Variants in GPATCH8 observed in about 807,000 individuals in gnomAD.
GPATCH8 encodes the protein G patch domain-containing protein 8.
Under a neutral mutation model 118.3 loss-of-function variants are expected in GPATCH8, and 18 were observed. The observed-to-expected ratio is 0.15, with a 90% CI of 0.11 to 0.23. The LOEUF (loss-of-function observed/expected upper bound fraction) is 0.23, where lower values mean the gene tolerates loss of function less well. Ranked by LOEUF, GPATCH8 falls within the 10% of genes least tolerant of loss-of-function variation. GPATCH8 has a pLI of 1.00. For missense variants in GPATCH8, 1,631 were observed against 1,873.8 expected, an observed-to-expected ratio of 0.87 and a Z score of 2.39; for synonymous variants, 659 against 684.7, an observed-to-expected ratio of 0.96 and a Z score of 0.59.
chr17:44,456,917 G>A (rs925633168), intron 3 of GPATCH8, among the ~76,000 whole-genome samples: 2 of 151,906 alleles, frequency 1.3e-5, no homozygotes, highest in Non-Finnish European at 2.9e-5. Flanking sequence ...AGGATGGAGT[G>A]CAGTGGCGCA....
chr17:44,414,005 T>G (rs5028549), intron 6 of GPATCH8, among the ~76,000 whole-genome samples: 136,121 of 150,266 alleles, frequency 0.91, 61,858 homozygotes, highest in African/African-American at 0.97. Flanking sequence ...TCAGCAAAAC[T>G]CCTTAAAAGT....
chr17:44,502,641 C>A (rs1360832424), intron 1 of GPATCH8, among the ~76,000 whole-genome samples: 1 of 152,178 alleles, frequency 6.6e-6, no homozygotes, highest in Non-Finnish European at 1.5e-5. Flanking sequence ...TATCATCACG[C>A]TTCTCACAAA....
intron 3 of GPATCH8, among the ~76,000 whole-genome samples, chr17:44,445,472 G>C (rs2050841936): frequency 6.6e-6 from 1 of 151,702 alleles, no homozygotes; most frequent in African/African-American, 2.4e-5. Context: ...AATTACCAGT[G>C]AGCTCCAATC....
chr17:44,463,539 C>T (rs1316322147), intron 3 of GPATCH8, among the ~76,000 whole-genome samples: 1 of 152,168 alleles, frequency 6.6e-6, no homozygotes, highest in African/African-American at 2.4e-5. Context: ...TGTGCCACCA[C>T]GCCTGGCTAA....
At chr17:44,417,029 G>A (rs981780408) in intron 6 of GPATCH8, among the ~76,000 whole-genome samples, 5 of 152,132 alleles carry the variant, frequency 3.3e-5, no homozygotes, top group South Asian at 2.1e-4. Context: ...TACAGTTAAA[G>A]GAATTTTTTT....
chr17:44,459,685 AAAC>A (rs1370550095), intron 3 of GPATCH8, among the ~76,000 whole-genome samples: 1 of 152,150 alleles, frequency 6.6e-6, no homozygotes, highest in Non-Finnish European at 1.5e-5. Context: ...CAAAAGTAGA[AAAC>A]ATCATCCTTG....
chr17:44,457,358 T>C (rs1372866866), intron 3 of GPATCH8, among the ~76,000 whole-genome samples: 2 of 152,182 alleles, frequency 1.3e-5, no homozygotes, highest in African/African-American at 2.4e-5. Context: ...AGAATGTTCA[T>C]CTCTCTCAAC....
intron 1 of GPATCH8, among the ~76,000 whole-genome samples, chr17:44,495,619 C>G (rs1186308012): frequency 1.3e-5 from 2 of 152,198 alleles, no homozygotes; most frequent in Non-Finnish European, 2.9e-5. Context: ...TATTCAAACA[C>G]TGTTTTATTT....
chr17:44,422,794 A>C (rs539082878), intron 6 of GPATCH8, among the ~76,000 whole-genome samples: 1 of 152,012 alleles, frequency 6.6e-6, no homozygotes, highest in African/African-American at 2.4e-5. Context: ...ACATTTTTAA[A>C]TTATAAATAC....
Position 44,399,945 on chromosome 17 carries a change from C to A in GPATCH8, c.2132G>T (p.Arg711Leu), listed in dbSNP as rs749352671. Residue 711 changes from arginine (R) to leucine (L), a missense_variant, in exon 8 of 8, where the codon CGC becomes CTC. Physicochemically the swap from Arg to Leu is moderately radical, Grantham distance 102. This residue lies in a region of GPATCH8 where 922 missense variants were observed against 879.7 expected (regional missense o/e 1.05). Coordinates refer to ENST00000591680, the MANE Select transcript of GPATCH8 (RefSeq NM_001002909.4). ...ATTCTTCTTTCGTTTTCGTTTCTTG[C>A]GCTTCTTAGATTTCTCCCCTGACTC... ...KAESGEKSKK[R>L]KKRKRKKNKS... 8 of 1,614,044 alleles carry A rather than the reference C, an allele frequency of 5.0e-6. No individual in the cohort carries two copies. The highest frequency in any genetic ancestry group is 3.3e-5 in the Admixed American group (2 of 60,012).
chr17:44,445,676 T>C (rs2050853344), intron 3 of GPATCH8: 1 of 152,170 alleles, frequency 6.6e-6, no homozygotes, highest in Non-Finnish European at 1.5e-5. Context: ...GGCTAATTTT[T>C]TGTATTTTTA....
At chr17:44,461,105 T>C (rs1044463459) in intron 3 of GPATCH8, among the ~76,000 whole-genome samples, 1 of 152,246 alleles carries the variant, frequency 6.6e-6, no homozygotes, top group Non-Finnish European at 1.5e-5. Context: ...ATACTTCACA[T>C]ACACAACTGT....
chr17:44,441,240 T>C (rs988955185), intron 3 of GPATCH8, among the ~76,000 whole-genome samples: 3 of 152,202 alleles, frequency 2.0e-5, no homozygotes, highest in South Asian at 2.1e-4. Flanking sequence ...TAATCAGCCA[T>C]ACTTTAGAAA....
chr17:44,429,193 G>T (rs1567975485), intron 5 of GPATCH8, among the ~76,000 whole-genome samples: 1 of 152,036 alleles, frequency 6.6e-6, no homozygotes, highest in Non-Finnish European at 1.5e-5. Context: ...AGAAGAAACT[G>T]TAATAAAGTC....
intron 3 of GPATCH8, among the ~76,000 whole-genome samples, chr17:44,458,604 T>A (rs2051428593): frequency 6.6e-6 from 1 of 152,122 alleles, no homozygotes; most frequent in South Asian, 2.1e-4. Flanking sequence ...TCACTGCAAC[T>A]TCGAACTCCT....
chr17:44,479,965 CAA>C lies in GPATCH8; in HGVS notation c.46-5064_46-5063del, dbSNP rs200988896. Among the ~76,000 whole-genome samples, 478 of 135,106 alleles carry C rather than the reference CAA, an allele frequency of 3.5e-3. 1 individual carries two copies. The highest frequency in any genetic ancestry group is 3.2e-3 in the African/African-American group (111 of 34,232). 88.6% of individuals were successfully genotyped at this position (135,106 alleles called of 152,430 possible). On this transcript the variant is annotated intron_variant, in intron 1 of 7. Transcript: ENST00000591680. ...TTGGCGACAGAGCAAGACTCCGTCT[CAA>C]AAAAAAAAAAAAATTGATAGGCTGG...
chr17:44,422,903 T>C (rs2049962780), intron 6 of GPATCH8, among the ~76,000 whole-genome samples: 2 of 152,146 alleles, frequency 1.3e-5, no homozygotes, highest in Admixed American at 1.3e-4. Context: ...TAACTGCCAA[T>C]ACAGCTTGTC....
chr17:44,462,515 C>T (rs904503402), intron 3 of GPATCH8, among the ~76,000 whole-genome samples: 1 of 152,142 alleles, frequency 6.6e-6, no homozygotes, highest in Non-Finnish European at 1.5e-5. Flanking sequence ...GTAAAGAGTT[C>T]TTGTGCCACT....
chr17:44,415,941 T>C (rs1018288864), intron 6 of GPATCH8, among the ~76,000 whole-genome samples: 6 of 152,218 alleles, frequency 3.9e-5, no homozygotes. Context: ...GAAGTGTCTG[T>C]TTTGAGGGTT....
Sources: allele counts gnomAD v4.1 joint callset (sites outside exome capture counted in the v4.1 genomes callset), GRCh38; gene constraint gnomAD v4.1.1; regional missense constraint gnomAD v4.1.1; transcripts MANE v1.5; gene names NCBI Gene and HGNC (gene_info 2026-07-23, HGNC 2026-07-21).